The following STKLD1 variants were observed in gnomAD, a reference collection of about 807,000 sequenced individuals.
The protein encoded by STKLD1 is serine/threonine kinase-like domain-containing protein STKLD1.
A neutral mutation model predicts 80.4 loss-of-function variants in STKLD1; 79 were observed. The observed-to-expected ratio is 0.98, with a 90% CI of 0.82 to 1.19. The LOEUF is 1.19. Among genes scored for constraint, STKLD1 ranks in the 50% most tolerant of loss-of-function variants. The probability of loss-of-function intolerance (pLI) is 0.00; values close to 1 mark genes in which losing one functional copy is unlikely to be tolerated. For missense variants in STKLD1, 841 were observed against 856.0 expected (o/e 0.98, Z 0.22); for synonymous variants, 393 against 357.6 (o/e 1.10, Z -1.12).
chr9:133,389,735 A>T lies in STKLD1; in HGVS notation c.467+139A>T, dbSNP rs1168874835. On this transcript the variant is annotated intron_variant, in intron 6 of 17. Transcript: ENST00000371957. The surrounding 1 kb of genome is among the most constrained non-coding windows in gnomAD (Gnocchi z 6.4). ...GCCAGTGCAGCCAGGATAGGATGGG[A>T]CCTTACAGAGCTCCTCCCGGGCTTG... 1 of 1,395,398 alleles carries T rather than the reference A, an allele frequency of 7.2e-7. No homozygotes were observed. Among genetic ancestry groups the T allele is most frequent in the African/African-American group, 1.4e-5 (1 of 69,542 alleles). 86.4% of individuals were successfully genotyped at this position (1,395,398 alleles called of 1,614,324 possible).
In STKLD1 at chr9:133,389,254, A is replaced by C. The variant is rs2130283652; in HGVS notation, c.397-272A>C. On this transcript the variant is annotated intron_variant, in intron 5 of 17. Transcript: ENST00000371957. The surrounding 1 kb of genome is among the most constrained non-coding windows in gnomAD (Gnocchi z 6.4). ...GCGGGCCACAGAGTAGGGTGCAGGG[A>C]TGGGGCCCCTGCAGCACCCAGGGTC... 1 of 985,296 alleles carries C rather than the reference A, an allele frequency of 1.0e-6. No homozygotes were observed. Among genetic ancestry groups the C allele is most frequent in the Non-Finnish European group, 1.2e-6 (1 of 829,874 alleles). 61.0% of individuals were successfully genotyped at this position (985,296 alleles called of 1,614,324 possible). A position where few individuals can be genotyped will look rare whatever the true frequency, so the allele number is the denominator to read the frequency against.
At chr9:133,377,315 T>A (rs1838003680) in intron 1 of STKLD1, among the ~76,000 whole-genome samples, 1 of 152,220 alleles carries the variant, frequency 6.6e-6, no homozygotes, top group Non-Finnish European at 1.5e-5. Flanking sequence ...TTTAATTTGC[T>A]GCCTAAGCTT....
Position 133,389,738 on chromosome 9 carries a change from T to G in STKLD1, c.467+142T>G. ...AGTGCAGCCAGGATAGGATGGGACC[T>G]TACAGAGCTCCTCCCGGGCTTGAAA... On this transcript the variant is annotated intron_variant, in intron 6 of 17. Transcript: ENST00000371957. The surrounding 1 kb of genome is among the most constrained non-coding windows in gnomAD (Gnocchi z 6.4). The G allele has an allele frequency of 1.5e-6, 2 of 1,371,404 alleles. No homozygotes were observed. Among genetic ancestry groups the G allele is most frequent in the Non-Finnish European group, 2.0e-6 (2 of 1,021,666 alleles). 85.0% of individuals were successfully genotyped at this position (1,371,404 alleles called of 1,614,324 possible). A position where few individuals can be genotyped will look rare whatever the true frequency, so the allele number is the denominator to read the frequency against.
At position 133,390,216 on chromosome 9, in the gene STKLD1, C is replaced by G. The variant is rs1838356035; in HGVS notation, c.468-465C>G. Among the ~76,000 whole-genome samples, 1 of 145,578 alleles carries G rather than the reference C, an allele frequency of 6.9e-6. No individual in the cohort carries two copies. The highest frequency in any genetic ancestry group is 1.5e-5 in the Non-Finnish European group (1 of 67,214). On this transcript the variant is annotated intron_variant, in intron 6 of 17. Coordinates refer to ENST00000371957, the MANE Select transcript of STKLD1 (RefSeq NM_153710.5). This position sits in a 1 kb window ranked among gnomAD's most constrained non-coding sequence, Gnocchi z 5.1. ...TAAAACACACACACACACACACACA[C>G]ACACACACACACACACACACACACA...
At chr9:133,393,739 G>GGTGGTC in intron 7 of STKLD1, 1 of 151,132 alleles carries the variant, frequency 6.6e-6, no homozygotes, top group Non-Finnish European at 1.5e-5. Flanking sequence ...AGGTGTAGAT[G>GGTGGTC]GCATGCGTCC....
At chr9:133,405,043 C>A in intron 17 of STKLD1, 114 bp downstream of exon 17, 1 of 1,463,046 alleles carries the variant, frequency 6.8e-7, no homozygotes, top group Non-Finnish European at 9.3e-7. Context: ...CCCCACTTCT[C>A]GGCCCACTTA....
Position 133,389,021 on chromosome 9 carries a change from AG to A in STKLD1, c.397-501del. On this transcript the variant is annotated intron_variant, in intron 5 of 17. Coordinates refer to ENST00000371957, the MANE Select transcript of STKLD1 (RefSeq NM_153710.5). This position sits in a 1 kb window ranked among gnomAD's most constrained non-coding sequence, Gnocchi z 6.4. ...GACACCCCAGGGTGGCCCTGAATCCAGGGGCCCTAGGAGCCCAGCTTTAGAA... is the reference window on the plus strand; with the variant it reads ...GACACCCCAGGGTGGCCCTGAATCCAGGGCCCTAGGAGCCCAGCTTTAGAA... The A allele has an allele frequency of 1.0e-6, 1 of 985,304 alleles. No individual in the cohort carries two copies. The highest frequency in any genetic ancestry group is 1.2e-6 in the Non-Finnish European group (1 of 829,882). 61.0% of individuals were successfully genotyped at this position (985,304 alleles called of 1,614,324 possible).
At chr9:133,401,916 C>T in intron 13 of STKLD1, 38 bp downstream of exon 13, 6 of 1,607,472 alleles carry the variant, frequency 3.7e-6, no homozygotes, top group Non-Finnish European at 5.1e-6. Flanking sequence ...ACCCACGCTC[C>T]AGGACAGCCC....
At chr9:133,395,906 C>T in intron 9 of STKLD1, 143 bp downstream of exon 9, 1 of 867,858 alleles carries the variant, frequency 1.2e-6, no homozygotes, top group South Asian at 1.7e-5. Context: ...CACAGCTGGG[C>T]TTTGCCCAGT....
intron 12 of STKLD1, among the ~76,000 whole-genome samples, chr9:133,401,528 C>A (rs1042679219): frequency 1.2e-4 from 18 of 152,164 alleles, no homozygotes; most frequent in Non-Finnish European, 2.1e-4. Context: ...GACCAGGATG[C>A]GTGGCCTGGC....
Position 133,376,423 on chromosome 9 carries a change from G to C in STKLD1, c.-51G>C, listed in dbSNP as rs1243647494. ...GATCCCGCGGGTCCCACTGACCCAC[G>C]CGGGGTGGGGCCAGGGGTGGACGCT... is the stretch of plus-strand genomic sequence containing the variant. On this transcript the variant is annotated 5_prime_UTR_variant, in exon 1 of 18. Transcript: ENST00000371957. 3 of 1,499,814 alleles carry C rather than the reference G, an allele frequency of 2.0e-6. No individual in the cohort carries two copies. The African/African-American group carries it at 4.3e-5, about 22-fold the overall frequency. The allele number at this position is 1,499,814 out of a possible 1,614,324, so 92.9% of individuals were successfully genotyped here. A position where few individuals can be genotyped will look rare whatever the true frequency, so the allele number is the denominator to read the frequency against.
rs116757084 is a variant in STKLD1 at position 133,385,877 on chromosome 9, G to A, written c.294+186G>A. On this transcript the variant is annotated intron_variant, in intron 4 of 17. Coordinates refer to ENST00000371957, the MANE Select transcript of STKLD1 (RefSeq NM_153710.5). This position sits in a 1 kb window ranked among gnomAD's most constrained non-coding sequence, Gnocchi z 4.9. ...GCCAGGTACCATGCTGGGGGCTTTCGGTGCATAGTCTCATAGGAGCCCCAA... is the reference window on the plus strand; with the variant it reads ...GCCAGGTACCATGCTGGGGGCTTTCAGTGCATAGTCTCATAGGAGCCCCAA... Among the ~76,000 whole-genome samples, 1,721 of 152,110 alleles carry A rather than the reference G, an allele frequency of 0.011. 44 individuals are homozygous for A. The highest frequency in any genetic ancestry group is 0.038 in the African/African-American group (1,596 of 41,484).
chr9:133,404,988 C>T, intron 17 of STKLD1, 59 bp downstream of exon 17: 2 of 1,579,444 alleles, frequency 1.3e-6, no homozygotes, highest in South Asian at 2.3e-5. Context: ...GTGCCCCGCT[C>T]CCCCTATAAC....
chr9:133,405,225 C>T lies in STKLD1; in HGVS notation c.1874-27C>T, dbSNP rs782555398. ...CAAGGGGCACAGGAAGGACTCTGGC[C>T]TCAGGACCTTCCTGCTCCACCTGCA... On this transcript the variant is annotated intron_variant, in intron 17 of 17. Transcript: ENST00000371957. 5 of 1,576,632 alleles carry T rather than the reference C, an allele frequency of 3.2e-6. No homozygotes were observed. The Admixed American group carries it at 7.2e-5, about 23-fold the overall frequency.
Position 133,405,576 on chromosome 9 carries a change from T to C in STKLD1, c.*155T>C. On this transcript the variant is annotated 3_prime_UTR_variant, in exon 18 of 18. Coordinates refer to ENST00000371957, the MANE Select transcript of STKLD1 (RefSeq NM_153710.5). ...CAAAGAGTTTCCTGTCCATGACTGC[T>C]GGATTGAGTCACATGAGTAACTGCT... 1 of 687,980 alleles carries C rather than the reference T, an allele frequency of 1.5e-6. No homozygotes were observed. The highest frequency in any genetic ancestry group is 3.2e-5 in the East Asian group (1 of 30,776). The allele number at this position is 687,980 out of a possible 1,614,324, so 42.6% of individuals were successfully genotyped here.
At chr9:133,405,213 A>T in intron 17 of STKLD1, 39 bp from the exon 18 acceptor site, 1 of 1,556,760 alleles carries the variant, frequency 6.4e-7, no homozygotes, top group African/African-American at 1.4e-5. Flanking sequence ...GGGGCACAGG[A>T]AGGACTCTGG....
At position 133,404,891 on chromosome 9, in the gene STKLD1, A is replaced by T. The variant is rs782385894; in HGVS notation, c.1835A>T (p.Glu612Val). The T allele has an allele frequency of 1.9e-5, 31 of 1,613,292 alleles. No homozygotes were observed. Among genetic ancestry groups the T allele is most frequent in the Admixed American group, 3.3e-5 (2 of 59,940 alleles). Residue 612 changes from glutamate to valine, a missense_variant, in exon 17 of 18, where the codon GAG becomes GTG. Glu to Val is a moderately radical substitution (Grantham distance 121). Coordinates refer to ENST00000371957, the MANE Select transcript of STKLD1 (RefSeq NM_153710.5). Reference sequence around the variant, plus strand: ...CACAGGGACGACCCGGAGGTGGTGGAGAACGTGGGCATGCTGCTGGTCCAC... The same window carrying T: ...CACAGGGACGACCCGGAGGTGGTGGTGAACGTGGGCATGCTGCTGGTCCAC... Reference protein sequence around the residue: ...QLHRDDPEVVENVGMLLVHLA... With the variant: ...QLHRDDPEVVVNVGMLLVHLA...
At position 133,394,190 on chromosome 9, in the gene STKLD1, G is replaced by T; in HGVS notation, c.584-101G>T. 3.9e-6 allele frequency: 3 copies of T among 769,926 alleles called. No homozygotes were observed. The highest frequency in any genetic ancestry group is 2.3e-6 in the Non-Finnish European group (1 of 429,392). 47.7% of individuals were successfully genotyped at this position (769,926 alleles called of 1,614,324 possible). On this transcript the variant is annotated intron_variant, in intron 7 of 17. Transcript: ENST00000371957. This position sits in a 1 kb window ranked among gnomAD's most constrained non-coding sequence, Gnocchi z 4.9. ...GCTTGTGTTTCAAGCTGCTTGCGGGGGGCCACCAAAGGGGATACAGTGCTG... is the reference window on the plus strand; with the variant it reads ...GCTTGTGTTTCAAGCTGCTTGCGGGTGGCCACCAAAGGGGATACAGTGCTG...
chr9:133,397,384 T>C, intron 10 of STKLD1, 90 bp downstream of exon 10: 2 of 1,544,808 alleles, frequency 1.3e-6, no homozygotes, highest in Admixed American at 1.8e-5. Flanking sequence ...GGGTTCATTA[T>C]TTATGCCCCT....
Sources: gnomAD v4.1 joint callset for allele counts (sites outside exome capture counted in the v4.1 genomes callset) on GRCh38, gnomAD v4.1.1 for gene constraint, Gnocchi (gnomAD v3.1) non-coding constraint, MANE v1.5 for transcripts, NCBI Gene and HGNC (gene_info 2026-07-23, HGNC 2026-07-21) for gene names.